Variants in ATP8A2 observed in about 807,000 individuals in gnomAD.
The protein encoded by ATP8A2 is ATPase phospholipid transporting 8A2, also known as phospholipid-transporting ATPase IB.
ATP8A2 carries 100 observed loss-of-function variants against 165.6 expected under a neutral mutation model. The ratio of observed to expected loss-of-function variants is 0.60; its 90% CI spans 0.51 to 0.71. The LOEUF (loss-of-function observed/expected upper bound fraction) is 0.71, where lower values mean the gene tolerates loss of function less well. Ranked by LOEUF, ATP8A2 falls within the 30% of genes least tolerant of loss-of-function variation. The probability of loss-of-function intolerance (pLI) is 0.00; values close to 1 mark genes in which losing one functional copy is unlikely to be tolerated. For missense variants in ATP8A2, 1,227 were observed against 1,479.5 expected, an observed-to-expected ratio of 0.83 and a Z score of 2.80; for synonymous variants, 543 against 548.8, an observed-to-expected ratio of 0.99 and a Z score of 0.15.
At chr13:25,383,971 C>T (rs576860191) in intron 1 of ATP8A2, among the ~76,000 whole-genome samples, 13 of 152,242 alleles carry the variant, frequency 8.5e-5, no homozygotes, top group Middle Eastern at 3.4e-3. Flanking sequence ...GTTTTATTCC[C>T]GTTGCTAGAG....
intron 24 of ATP8A2, among the ~76,000 whole-genome samples, chr13:25,663,062 T>C (rs946412804): frequency 3.3e-5 from 5 of 152,188 alleles, no homozygotes; most frequent in African/African-American, 1.2e-4. Context: ...TGCACAGGCA[T>C]CTGAAATGCA....
chr13:25,782,394 A>G (rs2044903316), intron 27 of ATP8A2, among the ~76,000 whole-genome samples: 1 of 152,214 alleles, frequency 6.6e-6, no homozygotes, highest in Admixed American at 6.5e-5. Flanking sequence ...TCCATTTTCT[A>G]TTAAAAGCTT....
At chr13:25,387,789 C>T (rs1026039871) in intron 1 of ATP8A2, among the ~76,000 whole-genome samples, 1 of 152,066 alleles carries the variant, frequency 6.6e-6, no homozygotes. Context: ...CTAGGCCTGG[C>T]GTGGTGGCTC....
chr13:25,458,201 A>C (rs2035413369), intron 1 of ATP8A2, among the ~76,000 whole-genome samples: 1 of 152,244 alleles, frequency 6.6e-6, no homozygotes, highest in Non-Finnish European at 1.5e-5. Context: ...TAGCAGGATT[A>C]GGCAAGCCAG....
At chr13:25,910,454 G>A (rs1169436242) in intron 33 of ATP8A2, among the ~76,000 whole-genome samples, 1 of 152,176 alleles carries the variant, frequency 6.6e-6, no homozygotes, top group Admixed American at 6.5e-5. Flanking sequence ...TTGTGAGAGA[G>A]GTTTTTGCAA....
At chr13:25,589,372 T>C (rs1230077528) in intron 23 of ATP8A2, among the ~76,000 whole-genome samples, 3 of 152,194 alleles carry the variant, frequency 2.0e-5, no homozygotes, top group Non-Finnish European at 1.5e-5. Context: ...CTTAATGTTA[T>C]ACAAGGATAA....
chr13:25,941,002 C>G (rs995875704), intron 33 of ATP8A2, among the ~76,000 whole-genome samples: 14 of 152,222 alleles, frequency 9.2e-5, no homozygotes, highest in Non-Finnish European at 2.1e-4. Flanking sequence ...CTCACTGTCA[C>G]AGCCGCCCTT....
rs2044708114 is a variant in ATP8A2, at chr13:25,774,920, G to A, written c.2640G>A (p.Leu880=). 1 of 1,613,346 alleles carries A rather than the reference G, an allele frequency of 6.2e-7. No homozygotes were observed. Among genetic ancestry groups the A allele is most frequent in the Non-Finnish European group, 8.5e-7 (1 of 1,179,316 alleles). ...WSYNRVTKCI[L]YCFYKNVVLY... Reference sequence around the variant, plus strand: ...ACAACCGGGTGACCAAGTGCATCTTGTACTGCTTCTATAAGAACGTGGTCC... The same window carrying A: ...ACAACCGGGTGACCAAGTGCATCTTATACTGCTTCTATAAGAACGTGGTCC... Residue 880 remains leucine (L), a synonymous_variant, in exon 27 of 37, where the codon TTG becomes TTA. Transcript: ENST00000381655.
Position 25,708,896 on chromosome 13 carries a change from C to A in ATP8A2, c.2384+9551C>A, listed in dbSNP as rs1318769348. Among the ~76,000 whole-genome samples the A allele has an allele frequency of 3.3e-5, 5 of 152,274 alleles. 1 individual carries two copies. In the South Asian group the frequency reaches 1.0e-3, roughly 32 times the overall value. On this transcript the variant is annotated intron_variant, in intron 25 of 36. Transcript: ENST00000381655. ...AACTAAAGTTGCCAAATTTTGGGAG[C>A]CTGTGCTTGGTTTGAGTTTTATGAT... is the stretch of plus-strand genomic sequence containing the variant.
chr13:25,704,672 G>A (rs1189550040), intron 25 of ATP8A2, among the ~76,000 whole-genome samples: 1 of 152,094 alleles, frequency 6.6e-6, no homozygotes, highest in African/African-American at 2.4e-5. Flanking sequence ...TTTATATCTA[G>A]GGGACCTTTA....
chr13:25,815,931 A>G (rs1171218656), intron 27 of ATP8A2, among the ~76,000 whole-genome samples: 1 of 152,246 alleles, frequency 6.6e-6, no homozygotes, highest in Non-Finnish European at 1.5e-5. Flanking sequence ...AGCTACACAG[A>G]CAAGGACAAA....
chr13:25,658,766 C>T (rs2041987660), intron 24 of ATP8A2, among the ~76,000 whole-genome samples: 1 of 152,178 alleles, frequency 6.6e-6, no homozygotes, highest in Non-Finnish European at 1.5e-5. Context: ...CAAAACCATA[C>T]TTCTCTGAAC....
intron 24 of ATP8A2, among the ~76,000 whole-genome samples, chr13:25,668,229 C>T (rs1301001198): frequency 1.3e-5 from 2 of 152,170 alleles, no homozygotes; most frequent in Non-Finnish European, 2.9e-5. Context: ...GCAGGCCTAG[C>T]TCCTTTAGCT....
rs1593591910 is a variant in ATP8A2 at position 25,938,764 on chromosome 13, G to A, written c.3184-22811G>A. On this transcript the variant is annotated intron_variant, in intron 33 of 36. Coordinates refer to ENST00000381655, the MANE Select transcript of ATP8A2 (RefSeq NM_016529.6). Reference sequence around the variant, plus strand: ...TTTCTTGACAATTATTAAGGAAGTCGTGAGTGTCGTGGGTAGATGGAAGGA... The same window carrying A: ...TTTCTTGACAATTATTAAGGAAGTCATGAGTGTCGTGGGTAGATGGAAGGA... Among the ~76,000 whole-genome samples the A allele has an allele frequency of 2.6e-5, 4 of 152,152 alleles. No individual in the cohort carries two copies. The South Asian group carries it at 8.3e-4, about 32-fold the overall frequency.
At chr13:25,457,069 A>C (rs1037062083) in intron 1 of ATP8A2, among the ~76,000 whole-genome samples, 1 of 152,218 alleles carries the variant, frequency 6.6e-6, no homozygotes, top group Non-Finnish European at 1.5e-5. Flanking sequence ...TCTGGGCTAC[A>C]TGTGGCTTGT....
At chr13:25,832,840 T>A (rs1337535321) in intron 28 of ATP8A2, among the ~76,000 whole-genome samples, 1 of 152,198 alleles carries the variant, frequency 6.6e-6, no homozygotes, top group East Asian at 1.9e-4. Context: ...TTTCGGCAAC[T>A]GCAAAGAAGA....
In ATP8A2 at chr13:26,020,943, C is replaced by G. The variant is rs45505204; in HGVS notation, c.*958C>G. The G allele has an allele frequency of 0.037, 5,673 of 152,386 alleles. 136 individuals carry two copies. Among genetic ancestry groups the G allele is most frequent in the Non-Finnish European group, 0.054 (3,656 of 68,080 alleles). 9.4% of individuals were successfully genotyped at this position (152,386 alleles called of 1,614,324 possible). ...GTAGAACCCCTTCAGGACTCCCAGC[C>G]GTGGTCAGGCTCTGAATACTCCCTT... On this transcript the variant is annotated 3_prime_UTR_variant, in exon 37 of 37. Coordinates refer to ENST00000381655, the MANE Select transcript of ATP8A2 (RefSeq NM_016529.6).
intron 1 of ATP8A2, among the ~76,000 whole-genome samples, chr13:25,440,733 G>T (rs894494955): frequency 2.1e-4 from 32 of 152,174 alleles, no homozygotes; most frequent in Non-Finnish European, 3.7e-4. Flanking sequence ...TGAGCAGATG[G>T]TTACCTGTAG....
At chr13:25,973,429 A>T (rs1267552507) in intron 35 of ATP8A2, among the ~76,000 whole-genome samples, 1 of 152,168 alleles carries the variant, frequency 6.6e-6, no homozygotes, top group Non-Finnish European at 1.5e-5. Flanking sequence ...AGCCTTGGAC[A>T]GGTGGCCTGG....
Sources: allele counts gnomAD v4.1 joint callset (sites outside exome capture counted in the v4.1 genomes callset), GRCh38; gene constraint gnomAD v4.1.1; transcripts MANE v1.5; gene names NCBI Gene and HGNC (gene_info 2026-07-23, HGNC 2026-07-21).